Variants in GSDME observed in about 807,000 individuals in gnomAD.
The protein encoded by GSDME is gasdermin E.
In GSDME, 44 loss-of-function variants were observed where a neutral mutation model predicts 47.5. The ratio of observed to expected loss-of-function variants is 0.93; its 90% CI spans 0.73 to 1.19. GSDME has a LOEUF of 1.19. Ranked by LOEUF, GSDME falls within the 50% of genes most tolerant of loss-of-function variation. The pLI, the probability that GSDME is intolerant of heterozygous loss-of-function variation, is 0.00. For missense variants in GSDME, 663 were observed against 604.2 expected (o/e 1.10, Z -1.02); for synonymous variants, 258 against 252.8 (o/e 1.02, Z -0.20).
intron 3 of GSDME, among the ~76,000 whole-genome samples, chr7:24,740,497 G>T (rs1044279023): frequency 1.3e-5 from 2 of 152,004 alleles, no homozygotes; most frequent in Admixed American, 6.6e-5. Flanking sequence ...TGGATTGCTT[G>T]TAACACAAGG....
intron 4 of GSDME, 83 bp downstream of exon 4, chr7:24,718,964 T>C (rs879313536): frequency 2.3e-5 from 34 of 1,480,660 alleles, no homozygotes; most frequent in Non-Finnish European, 3.2e-5. Flanking sequence ...TCCTGACTAA[T>C]GAAGACACCA....
chr7:24,779,393 C>T, the GSDME span, among the ~76,000 whole-genome samples: 2 of 152,046 alleles, frequency 1.3e-5, no homozygotes, highest in African/African-American at 4.8e-5. The surrounding 1 kb of genome is among the most constrained non-coding windows in gnomAD (Gnocchi z 6.0). Flanking sequence ...CCTGAATAAT[C>T]CTCCAGTTTC....
chr7:24,773,081 CA>C, the GSDME span, among the ~76,000 whole-genome samples: 1 of 152,156 alleles, frequency 6.6e-6, no homozygotes, highest in South Asian at 2.1e-4. The surrounding 1 kb of genome is among the most constrained non-coding windows in gnomAD (Gnocchi z 5.4). Flanking sequence ...AGCCAAAACT[CA>C]AAAACAGGTA....
At position 24,712,292 on chromosome 7, in the gene GSDME, C is replaced by T. The variant is rs983243797; in HGVS notation, c.698-1904G>A. Among the ~76,000 whole-genome samples the T allele has an allele frequency of 6.6e-6, 1 of 152,204 alleles. No individual in the cohort carries two copies. Among genetic ancestry groups the T allele is most frequent in the Non-Finnish European group, 1.5e-5 (1 of 68,042 alleles). ...AGGTCATAACTTTGTTCCCTGAGGA[C>T]AGGAGCCTTGACCATTCACACAGCC... On this transcript the variant is annotated intron_variant, in intron 5 of 9. Transcript: ENST00000645220. This position sits in a 1 kb window ranked among gnomAD's most constrained non-coding sequence, Gnocchi z 4.4.
chr7:24,720,744 C>T (rs1391408377), intron 3 of GSDME, among the ~76,000 whole-genome samples: 4 of 152,096 alleles, frequency 2.6e-5, no homozygotes, highest in African/African-American at 7.2e-5. Flanking sequence ...GGAGAAACCC[C>T]GTCTCTACTG....
chr7:24,749,448 G>A, intron 2 of GSDME, 116 bp downstream of exon 2: 1 of 907,874 alleles, frequency 1.1e-6, no homozygotes, highest in South Asian at 1.4e-5. Context: ...GTTGCAATGG[G>A]CCAAGATCAC....
At chr7:24,768,798 C>G in the GSDME span, among the ~76,000 whole-genome samples, 1 of 152,184 alleles carries the variant, frequency 6.6e-6, no homozygotes, top group African/African-American at 2.4e-5. The surrounding 1 kb of genome is among the most constrained non-coding windows in gnomAD (Gnocchi z 5.6). Context: ...GCAGTTCCAG[C>G]AGAAACAGCA....
chr7:24,767,834 T>C, the GSDME span, among the ~76,000 whole-genome samples: 1 of 152,216 alleles, frequency 6.6e-6, no homozygotes, highest in Non-Finnish European at 1.5e-5. The surrounding 1 kb of genome is among the most constrained non-coding windows in gnomAD (Gnocchi z 5.3). Context: ...TATTAGAAAG[T>C]GCAGAAAAAA....
At chr7:24,711,156 G>T (rs1416572256) in intron 5 of GSDME, among the ~76,000 whole-genome samples, 1 of 152,174 alleles carries the variant, frequency 6.6e-6, no homozygotes, top group Non-Finnish European at 1.5e-5. Context: ...GGGCACATGG[G>T]AGCTCACTAC....
At chr7:24,781,725 T>C in the GSDME span, among the ~76,000 whole-genome samples, 1 of 151,082 alleles carries the variant, frequency 6.6e-6, no homozygotes, top group African/African-American at 2.4e-5. Context: ...TAACCTATTA[T>C]ATGTTAATGA....
chr7:24,715,518 T>A (rs1028178992), intron 5 of GSDME: 1 of 470,798 alleles, frequency 2.1e-6, no homozygotes, highest in Admixed American at 2.4e-5. Context: ...GAGTGACACA[T>A]TCACCACTGG....
the GSDME span, among the ~76,000 whole-genome samples, chr7:24,769,274 A>G: frequency 6.6e-6 from 1 of 152,200 alleles, no homozygotes; most frequent in African/African-American, 2.4e-5. Context: ...GAACTGCTGG[A>G]AGCTCAGGGT....
At chr7:24,768,390 C>T in the GSDME span, among the ~76,000 whole-genome samples, 1 of 152,164 alleles carries the variant, frequency 6.6e-6, no homozygotes, top group Admixed American at 6.5e-5. This position sits in a 1 kb window ranked among gnomAD's most constrained non-coding sequence, Gnocchi z 5.6. Context: ...GGGAAGGGAA[C>T]TGAGATTGTA....
Position 24,744,219 on chromosome 7 carries a change from G to C in GSDME, c.404+343C>G, listed in dbSNP as rs963677404. The C allele has an allele frequency of 1.5e-5, 4 of 268,666 alleles. No homozygotes were observed. The highest frequency in any genetic ancestry group is 2.2e-5 in the African/African-American group (1 of 45,288). The allele number at this position is 268,666 out of a possible 1,614,324, so 16.6% of individuals were successfully genotyped here. ...CATCAGAAAATTATAGAGCCAGAGG[G>C]GGGTCATGACTTCCTGGCTTCTAAA... On this transcript the variant is annotated intron_variant, in intron 3 of 9. Coordinates refer to ENST00000645220, the MANE Select transcript of GSDME (RefSeq NM_001127453.2). The surrounding 1 kb of genome is among the most constrained non-coding windows in gnomAD (Gnocchi z 4.5).
Position 24,705,993 on chromosome 7 carries a change from G to C in GSDME, c.1183+191C>G. 1.4e-6 allele frequency: 1 copy of C among 705,192 alleles called. No individual in the cohort carries two copies. Among genetic ancestry groups the C allele is most frequent in the Non-Finnish European group, 2.4e-6 (1 of 408,692 alleles). The allele number at this position is 705,192 out of a possible 1,614,324, so 43.7% of individuals were successfully genotyped here. A position where few individuals can be genotyped will look rare whatever the true frequency, so the allele number is the denominator to read the frequency against. ...TAGGGAGGCTTGTGCTGGATGGAAA[G>C]GCACAGACTCGAGACCGAAGGGGGG... On this transcript the variant is annotated intron_variant, in intron 8 of 9. Coordinates refer to ENST00000645220, the MANE Select transcript of GSDME (RefSeq NM_001127453.2). The surrounding 1 kb of genome is among the most constrained non-coding windows in gnomAD (Gnocchi z 4.1).
In GSDME at chr7:24,754,467, A is replaced by C. The variant is rs1333150317; in HGVS notation, c.-20+2929T>G. On this transcript the variant is annotated intron_variant, in intron 1 of 9. Coordinates refer to ENST00000645220, the MANE Select transcript of GSDME (RefSeq NM_001127453.2). This position sits in a 1 kb window ranked among gnomAD's most constrained non-coding sequence, Gnocchi z 5.0. ...GCCATTGCACTCCAGCCTGGGCAAC[A>C]AGAGCGAAACTTTGTCTCAAAAAAA... Among the ~76,000 whole-genome samples the C allele has an allele frequency of 6.8e-6, 1 of 146,540 alleles. No homozygotes were observed. The highest frequency in any genetic ancestry group is 1.5e-5 in the Non-Finnish European group (1 of 67,534).
chr7:24,720,420 A>G (rs2237312), intron 3 of GSDME, among the ~76,000 whole-genome samples: 76,828 of 151,956 alleles, frequency 0.51, 22,498 homozygotes, highest in East Asian at 0.83. Flanking sequence ...GACCACACAC[A>G]TGCTGGGTCA....
intron 3 of GSDME, among the ~76,000 whole-genome samples, chr7:24,723,010 G>T (rs1789846146): frequency 6.6e-6 from 1 of 152,166 alleles, no homozygotes; most frequent in African/African-American, 2.4e-5. Flanking sequence ...GCTCATGCAG[G>T]CCACTGGGAA....
intron 8 of GSDME, 41 bp downstream of exon 8, chr7:24,706,143 A>G (rs993269858): frequency 1.2e-6 from 2 of 1,609,356 alleles, no homozygotes; most frequent in African/African-American, 1.3e-5. Flanking sequence ...AAGCATTTTA[A>G]AGCAGCAGCA....
Sources: allele counts gnomAD v4.1 joint callset (sites outside exome capture counted in the v4.1 genomes callset), GRCh38; gene constraint gnomAD v4.1.1; non-coding constraint Gnocchi (gnomAD v3.1); transcripts MANE v1.5; gene names NCBI Gene and HGNC (gene_info 2026-07-23, HGNC 2026-07-21).